Variants in RBFOX1 observed in about 807,000 individuals in gnomAD.
RBFOX1 encodes the protein RNA binding protein fox-1 homolog 1.
RBFOX1 carries 8 observed loss-of-function variants against 57.7 expected under a neutral mutation model. The observed-to-expected ratio is 0.14, with a 90% CI of 0.08 to 0.25. The LOEUF is 0.25. Among genes scored for constraint, RBFOX1 ranks in the 10% least tolerant of loss-of-function variants. The pLI, the probability that RBFOX1 is intolerant of heterozygous loss-of-function variation, is 1.00. For missense variants in RBFOX1, 611 were observed against 548.5 expected, an observed-to-expected ratio of 1.11 and a Z score of -1.14; for synonymous variants, 326 against 222.4, an observed-to-expected ratio of 1.47 and a Z score of -4.15.
At chr16:6,408,402 AT>A (rs1487046237) in intron 2 of RBFOX1, among the ~76,000 whole-genome samples, 2 of 152,098 alleles carry the variant, frequency 1.3e-5, no homozygotes, top group Non-Finnish European at 2.9e-5. Context: ...CCGGGAGCCA[AT>A]GGTTAGTGTT....
intron 1 of RBFOX1, among the ~76,000 whole-genome samples, chr16:6,247,633 A>G (rs1468109944): frequency 6.6e-6 from 1 of 152,192 alleles, no homozygotes; most frequent in Non-Finnish European, 1.5e-5. Flanking sequence ...CATAGTTATT[A>G]TCTCTGTATC....
intron 1 of RBFOX1, among the ~76,000 whole-genome samples, chr16:5,272,832 C>G (rs1210739859): frequency 1.3e-5 from 2 of 152,164 alleles, no homozygotes; most frequent in African/African-American, 2.4e-5. Context: ...AACCTTCACT[C>G]TTCTCTGCAA....
chr16:6,160,414 C>G (rs982455089), intron 1 of RBFOX1, among the ~76,000 whole-genome samples: 2 of 152,120 alleles, frequency 1.3e-5, no homozygotes, highest in Admixed American at 1.3e-4. Flanking sequence ...ATATACTTGT[C>G]TAAAATAGGG....
intron 1 of RBFOX1, among the ~76,000 whole-genome samples, chr16:6,020,455 G>T (rs1287539415): frequency 1.3e-5 from 2 of 152,112 alleles, no homozygotes; most frequent in Non-Finnish European, 2.9e-5. Flanking sequence ...TAGGTGCCCC[G>T]AACCCCTTGT....
chr16:6,021,847 G>C (rs1378369195), intron 1 of RBFOX1, among the ~76,000 whole-genome samples: 1 of 152,172 alleles, frequency 6.6e-6, no homozygotes, highest in Non-Finnish European at 1.5e-5. Flanking sequence ...GGGTTTGGGG[G>C]TAAATTACTT....
chr16:6,190,391 C>T (rs890918501), intron 1 of RBFOX1, among the ~76,000 whole-genome samples: 10 of 152,202 alleles, frequency 6.6e-5, no homozygotes, highest in Admixed American at 1.3e-4. Context: ...ATGTAGCATC[C>T]GGGGTCCTAC....
At chr16:7,425,591 T>A (rs1214177066) in intron 4 of RBFOX1, among the ~76,000 whole-genome samples, 1 of 152,230 alleles carries the variant, frequency 6.6e-6, no homozygotes, top group East Asian at 1.9e-4. Flanking sequence ...ATTACATAGT[T>A]TCCTCTTGCT....
intron 2 of RBFOX1, among the ~76,000 whole-genome samples, chr16:6,380,704 C>T (rs1383038637): frequency 2.0e-5 from 3 of 150,214 alleles, no homozygotes; most frequent in Admixed American, 6.6e-5. Context: ...GCATACAAAA[C>T]CATTTCTGTA....
intron 3 of RBFOX1, among the ~76,000 whole-genome samples, chr16:6,930,198 G>C (rs1567934987): frequency 1.3e-5 from 2 of 152,130 alleles, no homozygotes; most frequent in Non-Finnish European, 2.9e-5. Context: ...TTAATATTGA[G>C]AATATATTGA....
chr16:6,825,542 A>G (rs886900677), intron 3 of RBFOX1, among the ~76,000 whole-genome samples: 3 of 152,140 alleles, frequency 2.0e-5, no homozygotes, highest in Non-Finnish European at 2.9e-5. Flanking sequence ...TTTGATATTG[A>G]AGGTCCAGGT....
At chr16:5,810,328 TA>T (rs1038126206) in intron 3 of RBFOX1, among the ~76,000 whole-genome samples, 5 of 151,748 alleles carry the variant, frequency 3.3e-5, no homozygotes, top group African/African-American at 7.3e-5. Flanking sequence ...AGTATAATAA[TA>T]ATTAAAAAAA....
intron 2 of RBFOX1, among the ~76,000 whole-genome samples, chr16:6,396,788 C>A (rs28671470): frequency 0.11 from 17,284 of 151,764 alleles, 2,187 homozygotes; most frequent in African/African-American, 0.31. Flanking sequence ...AAGCAGTTAA[C>A]CCTGACATAA....
chr16:6,881,074 G>A (rs915978656), intron 3 of RBFOX1, among the ~76,000 whole-genome samples: 7 of 152,128 alleles, frequency 4.6e-5, no homozygotes, highest in African/African-American at 1.4e-4. Context: ...ATCAATCATG[G>A]CACTTTTACC....
intron 1 of RBFOX1, among the ~76,000 whole-genome samples, chr16:5,300,384 G>C (rs114951117): frequency 0.019 from 2,883 of 152,178 alleles, 82 homozygotes; most frequent in African/African-American, 0.065. Context: ...GCGGGTGAGG[G>C]ATAAAGACTA....
In RBFOX1 at chr16:6,536,586, G is replaced by A. The variant is rs1212048057; in HGVS notation, c.-63-118017G>A. 4.0e-5 allele frequency among the ~76,000 whole-genome samples: 6 copies of A among 151,432 alleles called. No individual in the cohort carries two copies. The East Asian group carries it at 9.7e-4, about 24-fold the overall frequency. ...TTTTTTTCTTTCTAATTTTCCTTCT[G>A]TTCTTGAAGTGTGATAAGTCTAATT... On this transcript the variant is annotated intron_variant, in intron 2 of 15. Coordinates refer to ENST00000550418, the MANE Select transcript of RBFOX1 (RefSeq NM_018723.4).
intron 4 of RBFOX1, among the ~76,000 whole-genome samples, chr16:7,081,187 A>G (rs1216879266): frequency 6.6e-6 from 1 of 152,164 alleles, no homozygotes; most frequent in Non-Finnish European, 1.5e-5. Flanking sequence ...GGTGCACACC[A>G]CCACACCCAG....
At chr16:6,521,020 A>G (rs2096487888) in intron 2 of RBFOX1, among the ~76,000 whole-genome samples, 1 of 152,204 alleles carries the variant, frequency 6.6e-6, no homozygotes, top group African/African-American at 2.4e-5. Context: ...TTGTCAATTT[A>G]TATCAAAACC....
rs548001183 is a variant in RBFOX1 at position 6,800,929 on chromosome 16, C to T, written c.-16+146279C>T. 2.6e-5 allele frequency among the ~76,000 whole-genome samples: 4 copies of T among 152,274 alleles called. No homozygotes were observed. The East Asian group carries it at 7.7e-4, about 29-fold the overall frequency. ...ATCTGGAAACTAGTTTGCTATCCGT[C>T]TTGCCCCTGTTTGAGTATCTCTCAA... On this transcript the variant is annotated intron_variant, in intron 3 of 15. Transcript: ENST00000550418.
intron 4 of RBFOX1, among the ~76,000 whole-genome samples, chr16:7,507,942 G>C (rs2073915833): frequency 1.3e-5 from 2 of 151,764 alleles, no homozygotes; most frequent in South Asian, 4.2e-4. Flanking sequence ...GCATCTATCT[G>C]ATTGTTTCCA....
Sources: allele counts gnomAD v4.1 joint callset (sites outside exome capture counted in the v4.1 genomes callset), GRCh38; gene constraint gnomAD v4.1.1; transcripts MANE v1.5; gene names NCBI Gene and HGNC (gene_info 2026-07-23, HGNC 2026-07-21).